The following BAZ1A variants were observed in gnomAD, a reference collection of about 807,000 sequenced individuals.
BAZ1A encodes the protein bromodomain adjacent to zinc finger domain 1A, also known as bromodomain adjacent to zinc finger domain protein 1A.
In BAZ1A, 50 loss-of-function variants were observed where a neutral mutation model predicts 185.2. The ratio of observed to expected loss-of-function variants is 0.27; its 90% CI spans 0.22 to 0.34. BAZ1A has a LOEUF of 0.34. Ranked by LOEUF, BAZ1A falls within the 10% of genes least tolerant of loss-of-function variation. BAZ1A has a pLI of 1.00. For missense variants in BAZ1A, 1,356 were observed against 1,839.9 expected (o/e 0.74, Z 4.81); for synonymous variants, 571 against 615.6 (o/e 0.93, Z 1.07).
At chr14:34,845,282 T>C (rs2042491884) in intron 3 of BAZ1A, 1 of 151,064 alleles carries the variant, frequency 6.6e-6, no homozygotes, top group African/African-American at 2.4e-5. Context: ...TTCTTTTTTT[T>C]TTTTTTTGGA....
intron 4 of BAZ1A, among the ~76,000 whole-genome samples, chr14:34,819,620 A>G (rs1477996641): frequency 6.6e-6 from 1 of 152,144 alleles, no homozygotes; most frequent in Admixed American, 6.6e-5. Context: ...ATTTCTTTTT[A>G]GTGCTGAATA....
chr14:34,796,414 T>C (rs924508185), intron 9 of BAZ1A, among the ~76,000 whole-genome samples: 3 of 152,224 alleles, frequency 2.0e-5, no homozygotes, highest in African/African-American at 7.2e-5. Context: ...AATAAATTAT[T>C]AGACTGCCTA....
chr14:34,764,289 C>CTTTTTT (rs34861206), intron 23 of BAZ1A, among the ~76,000 whole-genome samples: 658 of 111,752 alleles, frequency 5.9e-3, no homozygotes, highest in African/African-American at 8.7e-3. Flanking sequence ...TTTTTCTTTT[C>CTTTTTT]TTTTTTTTTT....
Position 34,806,441 on chromosome 14 carries a change from C to T in BAZ1A, c.726+1010G>A, listed in dbSNP as rs28634886. 2.1e-3 allele frequency among the ~76,000 whole-genome samples: 327 copies of T among 152,202 alleles called. 1 individual carries two copies. The highest frequency in any genetic ancestry group is 7.7e-3 in the African/African-American group (320 of 41,528). On this transcript the variant is annotated intron_variant, in intron 6 of 26. Coordinates refer to ENST00000360310, the MANE Select transcript of BAZ1A (RefSeq NM_013448.3). ...ATTAGTTATTTTTTCCCATCCTCTCCCTCCTCCCACCTTCTGATAGGCTGA... is the reference window on the plus strand; with the variant it reads ...ATTAGTTATTTTTTCCCATCCTCTCTCTCCTCCCACCTTCTGATAGGCTGA...
intron 23 of BAZ1A, 31 bp from the exon 24 acceptor site, chr14:34,762,254 G>A: frequency 1.3e-6 from 2 of 1,586,242 alleles, no homozygotes; most frequent in South Asian, 1.1e-5. Context: ...CACAATTATT[G>A]TACAGAGCAA....
intron 4 of BAZ1A, among the ~76,000 whole-genome samples, chr14:34,815,042 T>C (rs1200336627): frequency 6.6e-6 from 1 of 152,190 alleles, no homozygotes; most frequent in African/African-American, 2.4e-5. Flanking sequence ...CCCAAAGTGC[T>C]GGGATTACAG....
intron 3 of BAZ1A, among the ~76,000 whole-genome samples, chr14:34,828,101 C>T (rs1404967486): frequency 6.6e-6 from 1 of 151,818 alleles, no homozygotes; most frequent in Admixed American, 6.6e-5. Flanking sequence ...TTGAGACCAG[C>T]CTGACATGGA....
intron 3 of BAZ1A, among the ~76,000 whole-genome samples, chr14:34,838,082 T>C (rs1475818233): frequency 6.6e-6 from 1 of 152,196 alleles, no homozygotes; most frequent in Non-Finnish European, 1.5e-5. Context: ...AATAAAAGCC[T>C]GAGTTCCTGA....
intron 25 of BAZ1A, 36 bp downstream of exon 25, chr14:34,758,666 AAT>A (rs774900242): frequency 6.3e-7 from 1 of 1,596,254 alleles, no homozygotes; most frequent in South Asian, 1.1e-5. Context: ...TAAATCAGAT[AAT>A]ATACAGGAAT....
chr14:34,786,042 CAATA>C (rs1880417149), intron 13 of BAZ1A, 41 bp from the exon 14 acceptor site: 2 of 1,593,068 alleles, frequency 1.3e-6, no homozygotes. Flanking sequence ...AGAATATAAA[CAATA>C]AATACTCAGC....
At chr14:34,870,090 GGTT>G (rs1295331577) in intron 2 of BAZ1A, among the ~76,000 whole-genome samples, 1 of 152,094 alleles carries the variant, frequency 6.6e-6, no homozygotes, top group African/African-American at 2.4e-5. Flanking sequence ...AAATAAAATG[GGTT>G]GTTATTTTGA....
In BAZ1A at chr14:34,753,545, ACT is replaced by A. The variant is rs1261893286; in HGVS notation, c.4632_4633del (p.Gln1544HisfsTer2). 1 of 1,614,156 alleles carries A rather than the reference ACT, an allele frequency of 6.2e-7. No homozygotes were observed. The highest frequency in any genetic ancestry group is 8.5e-7 in the Non-Finnish European group (1 of 1,180,022). On this transcript the variant is annotated frameshift_variant, in exon 27 of 27. Coordinates refer to ENST00000360310, the MANE Select transcript of BAZ1A (RefSeq NM_013448.3). LOFTEE classifies it high-confidence loss of function. Reference sequence around the variant, plus strand: ...CTTTTTCGCAGCCGGTGGTGTGCTAACTTGGTCCACATTACTGGGTGTGACGT... The same window carrying A: ...CTTTTTCGCAGCCGGTGGTGTGCTAATGGTCCACATTACTGGGTGTGACGT...
intron 4 of BAZ1A, chr14:34,816,651 G>T (rs2138690653): frequency 4.7e-6 from 1 of 213,588 alleles, no homozygotes; most frequent in Non-Finnish European, 1.0e-5. Context: ...ATACTAATCT[G>T]AGCTGCTACA....
intron 3 of BAZ1A, among the ~76,000 whole-genome samples, chr14:34,842,494 T>C (rs895406008): frequency 3.9e-5 from 6 of 152,336 alleles, no homozygotes; most frequent in South Asian, 2.1e-4. Context: ...TTCTCTTTGC[T>C]TCAATGATCA....
intron 23 of BAZ1A, 106 bp downstream of exon 23, chr14:34,764,601 G>T (rs1878694758): frequency 2.8e-6 from 4 of 1,445,400 alleles, no homozygotes; most frequent in Non-Finnish European, 3.7e-6. Flanking sequence ...CTATATATTA[G>T]TTTTAAACTA....
At chr14:34,800,628 CA>C (rs1881467043) in intron 8 of BAZ1A, among the ~76,000 whole-genome samples, 3 of 152,136 alleles carry the variant, frequency 2.0e-5, no homozygotes, top group South Asian at 2.1e-4. Flanking sequence ...CCCTAATACC[CA>C]AAGTGTGATC....
chr14:34,758,164 T>C (rs1216750623), intron 25 of BAZ1A, among the ~76,000 whole-genome samples: 2 of 149,914 alleles, frequency 1.3e-5, no homozygotes, highest in Non-Finnish European at 3.0e-5. Flanking sequence ...GTGCCTGTAG[T>C]ACCAACTACT....
Position 34,777,884 on chromosome 14 carries a change from G to A in BAZ1A, c.2237-1369C>T, listed in dbSNP as rs146218263. On this transcript the variant is annotated intron_variant, in intron 17 of 26. Coordinates refer to ENST00000360310, the MANE Select transcript of BAZ1A (RefSeq NM_013448.3). ...TGTGCACCTGTAATCCCAGCTACTC[G>A]GGAGGCTGAGGTAGGAGAATCACTT... Among the ~76,000 whole-genome samples the A allele has an allele frequency of 3.1e-3, 464 of 151,660 alleles. 2 individuals are homozygous for A. Among genetic ancestry groups the A allele is most frequent in the Non-Finnish European group, 5.0e-3 (339 of 67,832 alleles).
At chr14:34,841,063 CT>C (rs2042407563) in intron 3 of BAZ1A, among the ~76,000 whole-genome samples, 1 of 152,042 alleles carries the variant, frequency 6.6e-6, no homozygotes, top group African/African-American at 2.4e-5. Context: ...ATTCTCCTGC[CT>C]CAGCCTCCCA....
Sources: gnomAD v4.1 joint callset for allele counts (sites outside exome capture counted in the v4.1 genomes callset) on GRCh38, gnomAD v4.1.1 for gene constraint, MANE v1.5 for transcripts, NCBI Gene and HGNC (gene_info 2026-07-23, HGNC 2026-07-21) for gene names.